The following UNC5D variants were observed in gnomAD, a reference collection of about 807,000 sequenced individuals.
UNC5D encodes unc-5 netrin receptor D.
In UNC5D, 39 loss-of-function variants were observed where a neutral mutation model predicts 105.4. That is an observed-to-expected ratio of 0.37 (90% CI 0.29 to 0.48). The LOEUF is 0.48. UNC5D is among the 20% of genes least tolerant of loss of function. The probability of loss-of-function intolerance (pLI) is 0.98; values close to 1 mark genes in which losing one functional copy is unlikely to be tolerated. For missense variants in UNC5D, 991 were observed against 1,202.4 expected, an observed-to-expected ratio of 0.82 and a Z score of 2.60; for synonymous variants, 452 against 450.4, an observed-to-expected ratio of 1.00 and a Z score of -0.04.
intron 4 of UNC5D, among the ~76,000 whole-genome samples, chr8:35,656,167 C>G (rs1823721243): frequency 6.6e-6 from 1 of 152,174 alleles, no homozygotes; most frequent in Non-Finnish European, 1.5e-5. Flanking sequence ...TGCCAGGCAT[C>G]TCTTCCACAA....
chr8:35,465,860 C>T (rs1809267343), intron 1 of UNC5D, among the ~76,000 whole-genome samples: 1 of 152,006 alleles, frequency 6.6e-6, no homozygotes, highest in South Asian at 2.1e-4. Context: ...GGGATGTTAT[C>T]GTAGAAGACA....
intron 1 of UNC5D, among the ~76,000 whole-genome samples, chr8:35,307,535 T>C (rs894021141): frequency 1.3e-5 from 2 of 152,118 alleles, no homozygotes; most frequent in Non-Finnish European, 2.9e-5. Context: ...TTTTCTTTGG[T>C]TAAGTGAGGA....
At chr8:35,559,611 G>T (rs1816812744) in intron 2 of UNC5D, among the ~76,000 whole-genome samples, 1 of 152,228 alleles carries the variant, frequency 6.6e-6, no homozygotes, top group African/African-American at 2.4e-5. Context: ...GCATGGTACT[G>T]AATGTTAACT....
chr8:35,412,853 A>G (rs1475094766), intron 1 of UNC5D, among the ~76,000 whole-genome samples: 5 of 152,110 alleles, frequency 3.3e-5, no homozygotes, highest in Admixed American at 2.6e-4. Context: ...AGGACTAGTA[A>G]TCTAGAAACT....
intron 1 of UNC5D, among the ~76,000 whole-genome samples, chr8:35,534,803 T>C (rs961697560): frequency 6.6e-6 from 1 of 151,968 alleles, no homozygotes; most frequent in African/African-American, 2.4e-5. Context: ...CAAAAAAAGA[T>C]TGAGAGTTAC....
At chr8:35,490,372 A>G (rs1811131188) in intron 1 of UNC5D, among the ~76,000 whole-genome samples, 1 of 152,104 alleles carries the variant, frequency 6.6e-6, no homozygotes, top group Non-Finnish European at 1.5e-5. Flanking sequence ...CTCTACAAAA[A>G]TGTTTTTAAA....
rs3077002 is a variant in UNC5D at position 35,657,080 on chromosome 8, GTATATATATATATATA to G, written c.571-26439_571-26424del. Among the ~76,000 whole-genome samples, 84 of 46,520 alleles carry G rather than the reference GTATATATATATATATA, an allele frequency of 1.8e-3. No homozygotes were observed. The South Asian group carries it at 0.022, about 12-fold the overall frequency. 30.5% of individuals were successfully genotyped at this position (46,520 alleles called of 152,430 possible). The stretch of plus-strand genomic sequence containing the variant: ...TGTGTGTGTGTGTGTGTGTGTGTGT[GTATATATATATATATA>G]TATATATATATATATATATATATAT... On this transcript the variant is annotated intron_variant, in intron 4 of 16. Coordinates refer to ENST00000404895, the MANE Select transcript of UNC5D (RefSeq NM_080872.4).
chr8:35,635,551 C>G (rs1485063199), intron 4 of UNC5D, among the ~76,000 whole-genome samples: 1 of 152,080 alleles, frequency 6.6e-6, no homozygotes, highest in East Asian at 1.9e-4. Context: ...TGATAATGCT[C>G]CTTCGTTGTA....
chr8:35,317,418 C>G (rs1199229490), intron 1 of UNC5D, among the ~76,000 whole-genome samples: 2 of 152,076 alleles, frequency 1.3e-5, no homozygotes, highest in Non-Finnish European at 2.9e-5. Context: ...ATGGCTATTA[C>G]GAAAACATCT....
At chr8:35,569,978 C>G (rs1008535045) in intron 3 of UNC5D, among the ~76,000 whole-genome samples, 1 of 152,182 alleles carries the variant, frequency 6.6e-6, no homozygotes, top group Non-Finnish European at 1.5e-5. Context: ...CTGCACATGC[C>G]TGTCCTCCCC....
chr8:35,475,568 C>T (rs966686262), intron 1 of UNC5D, among the ~76,000 whole-genome samples: 4 of 152,144 alleles, frequency 2.6e-5, no homozygotes, highest in Non-Finnish European at 4.4e-5. Flanking sequence ...CTGTTTTTGC[C>T]AGTACTGGCT....
At chr8:35,587,993 T>TATATATATATATAC (rs1376973554) in intron 3 of UNC5D, among the ~76,000 whole-genome samples, 9 of 141,200 alleles carry the variant, frequency 6.4e-5, no homozygotes, top group African/African-American at 2.1e-4. Flanking sequence ...TATATATATA[T>TATATATATATATAC]ACTAATCCCA....
At chr8:35,588,813 G>A (rs969790310) in intron 3 of UNC5D, among the ~76,000 whole-genome samples, 2 of 152,194 alleles carry the variant, frequency 1.3e-5, no homozygotes, top group Admixed American at 6.5e-5. Flanking sequence ...GGCCAAGGCA[G>A]GTGGCTCACA....
At chr8:35,753,558 G>A (rs549459795) in intron 13 of UNC5D, among the ~76,000 whole-genome samples, 2 of 152,108 alleles carry the variant, frequency 1.3e-5, no homozygotes, top group African/African-American at 4.8e-5. Flanking sequence ...CAGCAGAGAG[G>A]TATTTCTTAA....
chr8:35,541,786 C>T (rs1244874260), intron 1 of UNC5D, among the ~76,000 whole-genome samples: 1 of 152,110 alleles, frequency 6.6e-6, no homozygotes, highest in Non-Finnish European at 1.5e-5. Flanking sequence ...ATGTCTTAGT[C>T]ATCTTTGAAT....
intron 1 of UNC5D, among the ~76,000 whole-genome samples, chr8:35,339,437 CTATT>C (rs1811295006): frequency 6.6e-6 from 1 of 152,136 alleles, no homozygotes; most frequent in African/African-American, 2.4e-5. Context: ...TTCCATCTGT[CTATT>C]TATGCTCAAA....
rs540560202 is a variant in UNC5D at position 35,401,338 on chromosome 8, G to A, written c.104-147954G>A. Reference sequence around the variant, plus strand: ...GTCTCTACTAAAAATATAAAAATTAGCCGGGCATAGTGGCACATGCTTGTA... The same window carrying A: ...GTCTCTACTAAAAATATAAAAATTAACCGGGCATAGTGGCACATGCTTGTA... On this transcript the variant is annotated intron_variant, in intron 1 of 16. Transcript: ENST00000404895. Among the ~76,000 whole-genome samples, 380 of 152,114 alleles carry A rather than the reference G, an allele frequency of 2.5e-3. 4 individuals carry two copies. Among genetic ancestry groups the A allele is most frequent in the African/African-American group, 8.7e-3 (363 of 41,490 alleles).
intron 2 of UNC5D, 70 bp from the exon 3 acceptor site, chr8:35,568,028 T>C: frequency 6.4e-7 from 1 of 1,572,174 alleles, no homozygotes; most frequent in Middle Eastern, 1.7e-4. Context: ...AAGGTTTGGC[T>C]AACCTTAACT....
chr8:35,284,882 A>G (rs1806475722), intron 1 of UNC5D, among the ~76,000 whole-genome samples: 1 of 152,104 alleles, frequency 6.6e-6, no homozygotes, highest in Non-Finnish European at 1.5e-5. Context: ...ATTTTCTAGA[A>G]GCAAAATATT....
Sources: allele counts gnomAD v4.1 joint callset (sites outside exome capture counted in the v4.1 genomes callset), GRCh38; gene constraint gnomAD v4.1.1; transcripts MANE v1.5; gene names NCBI Gene and HGNC (gene_info 2026-07-23, HGNC 2026-07-21).